The following CIITA variants were observed in gnomAD, a reference collection of about 807,000 sequenced individuals.
The protein encoded by CIITA is class II major histocompatibility complex transactivator.
CIITA carries 72 observed loss-of-function variants against 115.1 expected under a neutral mutation model. The ratio of observed to expected loss-of-function variants is 0.63; its 90% CI spans 0.52 to 0.76. The LOEUF (loss-of-function observed/expected upper bound fraction) is 0.76, where lower values mean the gene tolerates loss of function less well. Ranked by LOEUF, CIITA falls within the 30% of genes least tolerant of loss-of-function variation. The pLI is 0.00. For missense variants in CIITA, 1,617 were observed against 1,463.8 expected (o/e 1.10, Z -1.71); for synonymous variants, 763 against 635.6 (o/e 1.20, Z -3.02).
At chr16:10,916,826 AC>A (rs1330566946) in intron 15 of CIITA, 4 of 383,360 alleles carry the variant, frequency 1.0e-5, no homozygotes, top group African/African-American at 8.1e-5. Flanking sequence ...TTCTTTACTT[AC>A]CCAACCATTT....
rs910305451 is a variant in CIITA at position 10,879,682 on chromosome 16, C to G, written c.52+2300C>G. On this transcript the variant is annotated intron_variant, in intron 1 of 19. Coordinates refer to ENST00000324288, the MANE Select transcript of CIITA (RefSeq NM_000246.4). This position sits in a 1 kb window ranked among gnomAD's most constrained non-coding sequence, Gnocchi z 4.3. The stretch of plus-strand genomic sequence containing the variant: ...ACTGAACCGATCTCTTGATCTCTCA[C>G]TTCTCTACCTCGCTTTGGGGCCCTG... Among the ~76,000 whole-genome samples the G allele has an allele frequency of 6.6e-6, 1 of 152,324 alleles. No individual in the cohort carries two copies. Among genetic ancestry groups the G allele is most frequent in the Non-Finnish European group, 1.5e-5 (1 of 68,034 alleles).
At chr16:10,885,333 CAT>C (rs975441748) in intron 1 of CIITA, among the ~76,000 whole-genome samples, 1 of 152,200 alleles carries the variant, frequency 6.6e-6, no homozygotes, top group African/African-American at 2.4e-5. Flanking sequence ...CCATTACACA[CAT>C]ACACATGCAC....
chr16:10,876,434 G>A (rs1411752888), upstream of CIITA, among the ~76,000 whole-genome samples: 1 of 152,238 alleles, frequency 6.6e-6, no homozygotes, highest in Non-Finnish European at 1.5e-5. Context: ...AGATACTGTT[G>A]ACTGTAGAAG....
In CIITA at chr16:10,935,682, C is replaced by G. The variant is rs965163648; in HGVS notation, c.*11827C>G. ...AAAGTTAACATCGCCAGAAAGGGGA[C>G]AGATGGCATGTGCCTCTCGATAAGA... On this transcript the variant is annotated 3_prime_UTR_variant, in exon 20 of 20. Coordinates refer to ENST00000324288, the MANE Select transcript of CIITA (RefSeq NM_000246.4). The G allele has an allele frequency of 1.3e-5, 2 of 152,200 alleles. No individual in the cohort carries two copies. Among genetic ancestry groups the G allele is most frequent in the African/African-American group, 4.8e-5 (2 of 41,442 alleles). The allele number at this position is 152,200 out of a possible 1,614,324, so 9.4% of individuals were successfully genotyped here. A position where few individuals can be genotyped will look rare whatever the true frequency, so the allele number is the denominator to read the frequency against.
At chr16:10,899,742 C>A (rs2038518423) in intron 5 of CIITA, among the ~76,000 whole-genome samples, 1 of 152,178 alleles carries the variant, frequency 6.6e-6, no homozygotes, top group African/African-American at 2.4e-5. Flanking sequence ...AGTTCTTAAA[C>A]AGGTGAATCG....
chr16:10,907,255 C>G lies in CIITA; in HGVS notation c.1763C>G (p.Thr588Arg), dbSNP rs772703817. 2 of 1,613,478 alleles carry G rather than the reference C, an allele frequency of 1.2e-6. No individual in the cohort carries two copies. Among genetic ancestry groups the G allele is most frequent in the South Asian group, 2.2e-5 (2 of 91,088 alleles). The change falls in exon 11 of 20, where the codon ACA (threonine) becomes AGA (arginine). Residue 588 changes from threonine to arginine, a missense_variant. Transcript: ENST00000324288. The surrounding 1 kb of genome is among the most constrained non-coding windows in gnomAD (Gnocchi z 5.0). ...CGCTACTTTGAGAGCTCAGGGATGA[C>G]AGAGCACCAAGACAGAGCCCTGACG... Reference protein sequence around the residue: ...VMRYFESSGMTEHQDRALTLL... With the variant: ...VMRYFESSGMREHQDRALTLL...
In CIITA at chr16:10,884,828, C is replaced by G. The variant is rs76505574; in HGVS notation, c.52+7446C>G. ...CTGCTCCTTCTCTGTGTGGAACTGG[C>G]CTGTTTGGGTACCCAGGGCCAGTCC... On this transcript the variant is annotated intron_variant, in intron 1 of 19. Transcript: ENST00000324288. 3.3e-3 allele frequency among the ~76,000 whole-genome samples: 499 copies of G among 152,226 alleles called. 7 individuals are homozygous for G. Among genetic ancestry groups the G allele is most frequent in the African/African-American group, 0.012 (486 of 41,526 alleles).
In CIITA at chr16:10,881,937, T is replaced by C. The variant is rs956795545; in HGVS notation, c.52+4555T>C. On this transcript the variant is annotated intron_variant, in intron 1 of 19. Transcript: ENST00000324288. ...GAATTACGTGATATTTGTCTTTTTG[T>C]GCCTGGCTTCTTTCACTTAGCATAA... 6.6e-5 allele frequency among the ~76,000 whole-genome samples: 10 copies of C among 152,358 alleles called. 1 individual carries two copies. The highest frequency in any genetic ancestry group is 2.2e-4 in the African/African-American group (9 of 41,588).
Position 10,908,134 on chromosome 16 carries a change from G to A in CIITA, c.2642G>A (p.Cys881Tyr). 1 of 1,570,742 alleles carries A rather than the reference G, an allele frequency of 6.4e-7. No homozygotes were observed. Among genetic ancestry groups the A allele is most frequent in the Non-Finnish European group, 8.6e-7 (1 of 1,157,606 alleles). The stretch of plus-strand genomic sequence containing the variant: ...TTGGGGAGCCTCGTGGGACTCAGCT[G>A]TGTCACCCGTTTCAGGTGGGGTGAG... Reference protein sequence around the residue: ...SGLGSLVGLSCVTRFRAALSD... With the variant: ...SGLGSLVGLSYVTRFRAALSD... Residue 881 changes from cysteine (C) to tyrosine (Y), a missense_variant, in exon 11 of 20, where the codon TGT (cysteine) becomes TAT (tyrosine). Transcript: ENST00000324288.
chr16:10,878,017 C>T (rs959081253), intron 1 of CIITA, among the ~76,000 whole-genome samples: 1 of 152,148 alleles, frequency 6.6e-6, no homozygotes, highest in African/African-American at 2.4e-5. Flanking sequence ...AAGTCGTTTA[C>T]ATTCTCGAGT....
chr16:10,914,129 C>T (rs2039787211), intron 13 of CIITA, among the ~76,000 whole-genome samples: 2 of 152,228 alleles, frequency 1.3e-5, no homozygotes, highest in Admixed American at 6.5e-5. Context: ...CAGGGATTTT[C>T]GTCTGTTTGG....
chr16:10,916,579 AT>A (rs2039964732), intron 15 of CIITA, 120 bp downstream of exon 15: 1 of 835,544 alleles, frequency 1.2e-6, no homozygotes, highest in East Asian at 2.7e-5. Context: ...CCAGGCTAGA[AT>A]ATAGTGCTAT....
At chr16:10,903,618 CTT>C (rs1169909573) in intron 8 of CIITA, 111 bp from the exon 9 acceptor site, 2 of 1,142,074 alleles carry the variant, frequency 1.8e-6, no homozygotes, top group Non-Finnish European at 2.7e-6. Flanking sequence ...GTTCTACTCT[CTT>C]CTCTCCAGAC....
Position 10,906,889 on chromosome 16 carries a change from A to G in CIITA, c.1397A>G (p.Gln466Arg). The G allele has an allele frequency of 6.2e-7, 1 of 1,613,472 alleles. No homozygotes were observed. Among genetic ancestry groups the G allele is most frequent in the Non-Finnish European group, 8.5e-7 (1 of 1,180,004 alleles). Reference sequence around the variant, plus strand: ...CGTCCGGGGGATGCCTATGGCCTGCAGGATCTGCTCTTCTCCCTGGGCCCA... The same window carrying G: ...CGTCCGGGGGATGCCTATGGCCTGCGGGATCTGCTCTTCTCCCTGGGCCCA... ...LNRPGDAYGL[Q>R]DLLFSLGPQP... Residue 466 changes from glutamine (Q) to arginine (R), a missense_variant, in exon 11 of 20, where the codon CAG becomes CGG. Physicochemically the swap from Gln to Arg is conservative, Grantham distance 43 (BLOSUM62 1). Transcript: ENST00000324288.
chr16:10,883,111 G>T (rs1037392905), intron 1 of CIITA, among the ~76,000 whole-genome samples: 1 of 152,172 alleles, frequency 6.6e-6, no homozygotes. Flanking sequence ...ACCCAGCAGA[G>T]TGCTGGCGGG....
Position 10,907,132 on chromosome 16 carries a change from C to T in CIITA, c.1640C>T (p.Ala547Val). The change falls in exon 11 of 20, where the codon GCC becomes GTC. Residue 547 changes from alanine (A) to valine (V), a missense_variant. Physicochemically the swap from Ala to Val is moderately conservative, Grantham distance 64. Coordinates refer to ENST00000324288, the MANE Select transcript of CIITA (RefSeq NM_000246.4). This position sits in a 1 kb window ranked among gnomAD's most constrained non-coding sequence, Gnocchi z 5.0. ...CGAGGTTGCACCCTCCTCCTCACAGCCCGGCCCCGGGGCCGCCTGGTCCAG... is the reference window on the plus strand; with the variant it reads ...CGAGGTTGCACCCTCCTCCTCACAGTCCGGCCCCGGGGCCGCCTGGTCCAG... ...LLRGCTLLLT[A>V]RPRGRLVQSL... 1 of 1,612,378 alleles carries T rather than the reference C, an allele frequency of 6.2e-7. No homozygotes were observed.
At chr16:10,937,021 G>T (rs1375813490), downstream of CIITA, 1 of 152,226 alleles carries the variant, frequency 6.6e-6, no homozygotes, top group Non-Finnish European at 1.5e-5. This position sits in a 1 kb window ranked among gnomAD's most constrained non-coding sequence, Gnocchi z 4.2. Flanking sequence ...GACCCTGCCT[G>T]TTTCTTGGCT....
Position 10,898,943 on chromosome 16 carries a change from A to G in CIITA, c.377A>G (p.Glu126Gly). The change falls in exon 5 of 20, where the codon GAA becomes GGA. Residue 126 changes from glutamate to glycine, a missense_variant. Physicochemically the swap from Glu to Gly is moderately conservative, Grantham distance 98. Transcript: ENST00000324288. ...KDIFKHIGPDEVIGESMEMPA... is the reference protein window; with the variant it reads ...KDIFKHIGPDGVIGESMEMPA... Reference sequence around the variant, plus strand: ...AAAGTAGAGCACATAGGACCAGATGAAGTGATCGGTGAGAGTATGGAGATG... The same window carrying G: ...AAAGTAGAGCACATAGGACCAGATGGAGTGATCGGTGAGAGTATGGAGATG... 5.0e-6 allele frequency: 8 copies of G among 1,613,960 alleles called. No individual in the cohort carries two copies. The highest frequency in any genetic ancestry group is 6.8e-6 in the Non-Finnish European group (8 of 1,179,998).
rs1013305153 is a variant in CIITA, at chr16:10,884,251, C to T, written c.52+6869C>T. The stretch of plus-strand genomic sequence containing the variant: ...CCTGCTCTGAAGTTACTTTGTTTGC[C>T]AGAGGCTGGTTGGTTCAAACCCAAA... On this transcript the variant is annotated intron_variant, in intron 1 of 19. Coordinates refer to ENST00000324288, the MANE Select transcript of CIITA (RefSeq NM_000246.4). Among the ~76,000 whole-genome samples the T allele has an allele frequency of 2.0e-5, 3 of 151,034 alleles. 1 individual carries two copies. Among genetic ancestry groups the T allele is most frequent in the Admixed American group, 6.8e-5 (1 of 14,724 alleles).
Sources: gnomAD v4.1 joint callset for allele counts (sites outside exome capture counted in the v4.1 genomes callset) on GRCh38, gnomAD v4.1.1 for gene constraint, Gnocchi (gnomAD v3.1) non-coding constraint, MANE v1.5 for transcripts, NCBI Gene and HGNC (gene_info 2026-07-23, HGNC 2026-07-21) for gene names.